The following PLEKHG1 variants were observed in gnomAD, a reference collection of about 807,000 sequenced individuals.
PLEKHG1 encodes the protein pleckstrin homology and RhoGEF domain containing G1, also known as pleckstrin homology domain-containing family G member 1.
In PLEKHG1, 44 loss-of-function variants were observed where a neutral mutation model predicts 100.8. The ratio of observed to expected loss-of-function variants is 0.44; its 90% CI spans 0.34 to 0.56. The LOEUF (loss-of-function observed/expected upper bound fraction) is 0.56, where lower values mean the gene tolerates loss of function less well. Among genes scored for constraint, PLEKHG1 ranks in the 20% least tolerant of loss-of-function variants. The probability of loss-of-function intolerance (pLI) is 0.01; values close to 1 mark genes in which losing one functional copy is unlikely to be tolerated. For missense variants in PLEKHG1, 1,545 were observed against 1,720.9 expected (o/e 0.90, Z 1.81); for synonymous variants, 640 against 662.5 (o/e 0.97, Z 0.52).
At chr6:150,804,176 T>TATATATATATATATATATATATATATATA (rs55868220) in intron 6 of PLEKHG1, among the ~76,000 whole-genome samples, 5 of 24,796 alleles carry the variant, frequency 2.0e-4, no homozygotes, top group South Asian at 2.4e-3. Context: ...TATATATATA[T>TATATATATATATATATATATATATATATA]TTTTTTTTTT....
chr6:150,663,845 C>G (rs1779302730), intron 3 of PLEKHG1: 1 of 152,172 alleles, frequency 6.6e-6, no homozygotes, highest in African/African-American at 2.4e-5. Flanking sequence ...AGCCACTGCG[C>G]CTGGCGGGCA....
chr6:150,674,673 CT>C (rs1562427715), intron 3 of PLEKHG1, among the ~76,000 whole-genome samples: 6 of 145,466 alleles, frequency 4.1e-5, no homozygotes, highest in Non-Finnish European at 9.0e-5. Flanking sequence ...CTCTCTCTCT[CT>C]CTCTCTCTCC....
intron 1 of PLEKHG1, chr6:150,605,581 G>T (rs989995646): frequency 6.6e-6 from 1 of 152,184 alleles, no homozygotes; most frequent in Non-Finnish European, 1.5e-5. Flanking sequence ...AAGAGAGACA[G>T]TTTCCATGGA....
chr6:150,736,351 C>A (rs117625563), intron 2 of PLEKHG1, among the ~76,000 whole-genome samples: 1 of 152,330 alleles, frequency 6.6e-6, no homozygotes, highest in East Asian at 1.9e-4. Context: ...GCAGCCATGC[C>A]TGGCACATAG....
At chr6:150,791,387 A>T (rs1228241775) in intron 4 of PLEKHG1, among the ~76,000 whole-genome samples, 1 of 151,988 alleles carries the variant, frequency 6.6e-6, no homozygotes, top group Non-Finnish European at 1.5e-5. Flanking sequence ...GGAGGCTGGG[A>T]GCGGTGGCTC....
rs35935485 is a variant in PLEKHG1 at position 150,811,273 on chromosome 6, G to GTT, written c.1278+1551_1278+1552dup. Among the ~76,000 whole-genome samples, 1,131 of 137,560 alleles carry GTT rather than the reference G, an allele frequency of 8.2e-3. 17 individuals are homozygous for GTT. The highest frequency in any genetic ancestry group is 0.025 in the African/African-American group (958 of 38,754). The allele number at this position is 137,560 out of a possible 152,430, so 90.2% of individuals were successfully genotyped here. A position where few individuals can be genotyped will look rare whatever the true frequency, so the allele number is the denominator to read the frequency against. ...ACCTCAGTCTTAAAGGATAGGGAAT[G>GTT]TTTTTTTTTTTTTAAAGACAGGATC... is the stretch of plus-strand genomic sequence containing the variant. On this transcript the variant is annotated intron_variant, in intron 10 of 15. Coordinates refer to ENST00000358517, the Ensembl canonical transcript of PLEKHG1.
In PLEKHG1 at chr6:150,672,081, G is replaced by A. The variant is rs536603850; in HGVS notation, c.-99+21295G>A. 2.4e-4 allele frequency among the ~76,000 whole-genome samples: 36 copies of A among 152,202 alleles called. 1 individual carries two copies. The highest frequency in any genetic ancestry group is 3.4e-3 in the Middle Eastern group (1 of 294). On this transcript the variant is annotated intron_variant, in intron 3 of 3. Transcript: ENST00000367326. Reference sequence around the variant, plus strand: ...TGCAGGCCAGTCAAGAGCTGGTGGTGGTCCCTTGGGCCAAGGGGTCCCTGA... The same window carrying A: ...TGCAGGCCAGTCAAGAGCTGGTGGTAGTCCCTTGGGCCAAGGGGTCCCTGA...
chr6:150,667,767 T>G (rs7349946), intron 3 of PLEKHG1, among the ~76,000 whole-genome samples: 116,297 of 152,146 alleles, frequency 0.76, 44,831 homozygotes, highest in African/African-American at 0.87. Context: ...AGTCTGCAAA[T>G]AAATGAAACT....
chr6:150,741,127 C>A (rs1047836614), intron 2 of PLEKHG1, among the ~76,000 whole-genome samples: 4 of 152,204 alleles, frequency 2.6e-5, no homozygotes, highest in African/African-American at 9.6e-5. Context: ...TCTTTCACTT[C>A]TTTTCATTTC....
intron 11 of PLEKHG1, among the ~76,000 whole-genome samples, chr6:150,818,457 A>G (rs1776112642): frequency 6.6e-6 from 1 of 152,194 alleles, no homozygotes; most frequent in Non-Finnish European, 1.5e-5. Flanking sequence ...TTCTGCATCA[A>G]CTAACAATGT....
intron 14 of PLEKHG1, among the ~76,000 whole-genome samples, chr6:150,824,167 A>C (rs944282896): frequency 6.6e-6 from 1 of 152,254 alleles, no homozygotes; most frequent in African/African-American, 2.4e-5. Context: ...AGACTTTGTC[A>C]TATCAAGTTT....
At chr6:150,744,491 C>T (rs1166411283) in intron 2 of PLEKHG1, among the ~76,000 whole-genome samples, 2 of 152,154 alleles carry the variant, frequency 1.3e-5, no homozygotes, top group East Asian at 3.9e-4. Context: ...ATTTTTACTG[C>T]ATTTTTAAGA....
At chr6:150,702,705 A>G (rs1274022677) in intron 3 of PLEKHG1, among the ~76,000 whole-genome samples, 2 of 152,228 alleles carry the variant, frequency 1.3e-5, no homozygotes, top group Admixed American at 6.5e-5. Flanking sequence ...AATAAAAAAC[A>G]TAAGCAAAAG....
chr6:150,767,158 GTGT>G (rs1261347046), intron 2 of PLEKHG1, among the ~76,000 whole-genome samples: 1 of 152,160 alleles, frequency 6.6e-6, no homozygotes, highest in African/African-American at 2.4e-5. Flanking sequence ...TAGGTTTTAT[GTGT>G]TGTTCAAAAT....
chr6:150,653,064 C>A (rs1381996175), intron 3 of PLEKHG1, among the ~76,000 whole-genome samples: 2 of 152,116 alleles, frequency 1.3e-5, no homozygotes, highest in Non-Finnish European at 2.9e-5. Flanking sequence ...CCCAGAAGTT[C>A]TTTTCTCTAA....
rs555255818 is a variant in PLEKHG1, at chr6:150,778,285, G to A, written c.513-8105G>A. The stretch of plus-strand genomic sequence containing the variant: ...TGGAATTACAGGCGCTCACCATCAC[G>A]CCTGGCTAATTTTTGTATTTTTAGT... On this transcript the variant is annotated intron_variant, in intron 3 of 15. Coordinates refer to ENST00000358517, the Ensembl canonical transcript of PLEKHG1. Among the ~76,000 whole-genome samples the A allele has an allele frequency of 7.2e-5, 11 of 152,158 alleles. 2 individuals are homozygous for A. In the South Asian group the frequency reaches 2.3e-3, roughly 32 times the overall value.
chr6:150,719,615 T>C (rs886152829), upstream of PLEKHG1, among the ~76,000 whole-genome samples: 2 of 152,092 alleles, frequency 1.3e-5, no homozygotes, highest in Non-Finnish European at 2.9e-5. Context: ...GTTGGAGTGG[T>C]TGTAGCAGAT....
At position 150,840,594 on chromosome 6, in the gene PLEKHG1, G is replaced by GAAGA. The variant is rs868022312; in HGVS notation, c.3858_3861dup (p.Asp1288ArgfsTer3). ...AGATGACTATGTGGAAATCAAGTCAGAAGAAGATGAGTCGGAGTTGGAGCT... is the reference window on the plus strand; with the variant it reads ...AGATGACTATGTGGAAATCAAGTCAGAAGAAAGAAGATGAGTCGGAGTTGGAGCT... On this transcript the variant is annotated frameshift_variant, in exon 16 of 16. Coordinates refer to ENST00000358517, the Ensembl canonical transcript of PLEKHG1. LOFTEE classifies it low-confidence loss of function (END_TRUNC). 3.1e-6 allele frequency: 5 copies of GAAGA among 1,614,084 alleles called. No individual in the cohort carries two copies. The African/African-American group carries it at 6.7e-5, about 22-fold the overall frequency.
At position 150,734,487 on chromosome 6, in the gene PLEKHG1, G is replaced by A. The variant is rs189673101; in HGVS notation, c.411+395G>A. Among the ~76,000 whole-genome samples, 261 of 152,262 alleles carry A rather than the reference G, an allele frequency of 1.7e-3. 10 individuals are homozygous for A. In the South Asian group the frequency reaches 0.04, roughly 24 times the overall value. On this transcript the variant is annotated intron_variant, in intron 2 of 15. Coordinates refer to ENST00000358517, the Ensembl canonical transcript of PLEKHG1. ...GCTGTCCTTACCTTAATCACCACTC[G>A]CTACTGGCATCCGGGAGCTTCCAAA...
Sources: allele counts gnomAD v4.1 joint callset (sites outside exome capture counted in the v4.1 genomes callset), GRCh38; gene constraint gnomAD v4.1.1; transcripts MANE v1.5; gene names NCBI Gene and HGNC (gene_info 2026-07-23, HGNC 2026-07-21).